LMAN1: variants seen among roughly 807,000 people sequenced by gnomAD.
The protein encoded by LMAN1 is protein ERGIC-53.
A neutral mutation model predicts 67.8 loss-of-function variants in LMAN1; 32 were observed. That is an observed-to-expected ratio of 0.47 (90% CI 0.36 to 0.63). The LOEUF is 0.63. Ranked by LOEUF, LMAN1 falls within the 30% of genes least tolerant of loss-of-function variation. The probability of loss-of-function intolerance (pLI) is 0.00; values close to 1 mark genes in which losing one functional copy is unlikely to be tolerated. For missense variants in LMAN1, 632 were observed against 628.2 expected (o/e 1.01, Z -0.06); for synonymous variants, 235 against 219.3 (o/e 1.07, Z -0.63).
At chr18:59,354,456 G>A in intron 4 of LMAN1, 63 bp downstream of exon 4, 3 of 890,816 alleles carry the variant, frequency 3.4e-6, no homozygotes, top group Admixed American at 1.8e-5. Flanking sequence ...TTGAAACAAT[G>A]TATTTCATAA....
intron 8 of LMAN1, among the ~76,000 whole-genome samples, chr18:59,340,925 T>G (rs993250644): frequency 6.6e-6 from 1 of 152,200 alleles, no homozygotes; most frequent in African/African-American, 2.4e-5. Flanking sequence ...AGATACAGAC[T>G]GGCAGAATGG....
chr18:59,337,310 G>A (rs1312022473), intron 10 of LMAN1, among the ~76,000 whole-genome samples: 1 of 152,006 alleles, frequency 6.6e-6, no homozygotes, highest in African/African-American at 2.4e-5. Flanking sequence ...GACAAGGGAA[G>A]ATGAACTACT....
rs1480889203 is a variant in LMAN1, at chr18:59,330,335, AC to A, written c.*757del. 4 of 152,506 alleles carry A rather than the reference AC, an allele frequency of 2.6e-5. No homozygotes were observed. Among genetic ancestry groups the A allele is most frequent in the Admixed American group, 1.3e-4 (2 of 15,272 alleles). 9.4% of individuals were successfully genotyped at this position (152,506 alleles called of 1,614,324 possible). On this transcript the variant is annotated 3_prime_UTR_variant, in exon 13 of 13. Transcript: ENST00000251047. The stretch of plus-strand genomic sequence containing the variant: ...AAATTATTTTCATAATATTGACCTG[AC>A]CCCATTGGAATGAAGACATTCAAGA...
intron 8 of LMAN1, among the ~76,000 whole-genome samples, chr18:59,343,068 A>C (rs954405771): frequency 1.3e-5 from 2 of 151,598 alleles, no homozygotes; most frequent in African/African-American, 4.8e-5. Context: ...AAAAAAAAAA[A>C]ACACCTAGAA....
At chr18:59,339,374 G>C (rs1210377817) in intron 8 of LMAN1, among the ~76,000 whole-genome samples, 1 of 152,132 alleles carries the variant, frequency 6.6e-6, no homozygotes, top group Non-Finnish European at 1.5e-5. Context: ...AATAAGGAGA[G>C]AGTTTGAGGC....
chr18:59,332,547 A>C (rs2070753774), intron 11 of LMAN1, among the ~76,000 whole-genome samples: 1 of 152,178 alleles, frequency 6.6e-6, no homozygotes, highest in Non-Finnish European at 1.5e-5. Context: ...CGTTTTAAAA[A>C]GCTTTTAAAA....
At chr18:59,335,867 C>T (rs1437200442) in intron 10 of LMAN1, among the ~76,000 whole-genome samples, 2 of 152,186 alleles carry the variant, frequency 1.3e-5, no homozygotes, top group African/African-American at 2.4e-5. Flanking sequence ...GTCTTTCTCA[C>T]AGGGATACGA....
In LMAN1 at chr18:59,345,974, C is replaced by T. The variant is rs1908393226; in HGVS notation, c.900G>A (p.Leu300=). ...QEEFEHFQQE[L]DKKKEEFQKG... ...TCTGGAATTCCTCTTTTTTTTTATC[C>T]AATTCTTGTTGAAAGTGCTCAAATT... The change falls in exon 8 of 13, where the codon TTG becomes TTA. Residue 300 remains leucine, a synonymous_variant. Transcript: ENST00000251047. 9.3e-6 allele frequency: 15 copies of T among 1,613,646 alleles called. No homozygotes were observed. In the East Asian group the frequency reaches 3.3e-4, roughly 36 times the overall value.
In LMAN1 at chr18:59,333,163, C is replaced by CT; in HGVS notation, c.1301dup (p.His435AlafsTer4). The CT allele has an allele frequency of 6.2e-7, 1 of 1,613,488 alleles. No individual in the cohort carries two copies. On this transcript the variant is annotated frameshift_variant, in exon 11 of 13. Coordinates refer to ENST00000251047, the MANE Select transcript of LMAN1 (RefSeq NM_005570.4). LOFTEE classifies it high-confidence loss of function. ...GGTGCTCTTTGATGTCAATGAAGTG[C>CT]TGTGTTGTCTCATAGACGCCTCCAG... is the stretch of plus-strand genomic sequence containing the variant.
chr18:59,340,839 T>C (rs1403177662), intron 8 of LMAN1, among the ~76,000 whole-genome samples: 1 of 152,080 alleles, frequency 6.6e-6, no homozygotes, highest in Non-Finnish European at 1.5e-5. Context: ...TTGAAAATAA[T>C]GAACAATATG....
At chr18:59,341,675 A>G (rs979860282) in intron 8 of LMAN1, among the ~76,000 whole-genome samples, 1 of 151,958 alleles carries the variant, frequency 6.6e-6, no homozygotes, top group East Asian at 1.9e-4. Flanking sequence ...CACCAAACCA[A>G]AACTGAAAAA....
intron 10 of LMAN1, 107 bp from the exon 11 acceptor site, chr18:59,333,351 T>TAAA: frequency 8.0e-6 from 5 of 628,646 alleles, no homozygotes; most frequent in African/African-American, 2.0e-5. Context: ...TTACATCATT[T>TAAA]AAAAAAAAAA....
At position 59,340,240 on chromosome 18, in the gene LMAN1, C is replaced by G. The variant is rs542881426; in HGVS notation, c.956-1287G>C. Among the ~76,000 whole-genome samples, 24 of 152,244 alleles carry G rather than the reference C, an allele frequency of 1.6e-4. No individual in the cohort carries two copies. The South Asian group carries it at 4.8e-3, about 30-fold the overall frequency. On this transcript the variant is annotated intron_variant, in intron 8 of 12. Coordinates refer to ENST00000251047, the MANE Select transcript of LMAN1 (RefSeq NM_005570.4). ...TAACTAAGAAAATAATTGATGAGAGCTTCCCAAGTCTAGCAAAAGAGTTAG... is the reference window on the plus strand; with the variant it reads ...TAACTAAGAAAATAATTGATGAGAGGTTCCCAAGTCTAGCAAAAGAGTTAG...
At chr18:59,332,777 T>C (rs942273780) in intron 11 of LMAN1, among the ~76,000 whole-genome samples, 1 of 151,898 alleles carries the variant, frequency 6.6e-6, no homozygotes, top group African/African-American at 2.4e-5. Context: ...GACGGAAAAA[T>C]AGGCCAAAGA....
chr18:59,342,694 C>G (rs1908313938), intron 8 of LMAN1, among the ~76,000 whole-genome samples: 1 of 152,086 alleles, frequency 6.6e-6, no homozygotes, highest in East Asian at 1.9e-4. Context: ...CAACCTCACA[C>G]TTAACAGGGA....
chr18:59,355,686 T>A (rs1192143130), intron 1 of LMAN1, 28 bp from the exon 2 acceptor site: 1 of 1,609,192 alleles, frequency 6.2e-7, no homozygotes. Context: ...GGAAAAAAGC[T>A]TTAAGTTATA....
intron 4 of LMAN1, 123 bp from the exon 5 acceptor site, chr18:59,353,424 AAAGACTACAC>A (rs1165540298): frequency 1.3e-6 from 1 of 752,530 alleles, no homozygotes; most frequent in African/African-American, 1.7e-5. Context: ...TATTTACTCA[AAAGACTACAC>A]GAGACTACAT....
At chr18:59,354,487 A>G (rs761011554) in intron 4 of LMAN1, 32 bp downstream of exon 4, 10 of 1,232,474 alleles carry the variant, frequency 8.1e-6, no homozygotes, top group Non-Finnish European at 1.2e-5. Context: ...AAGAAGCTGA[A>G]ATCAGGAGTA....
intron 11 of LMAN1, among the ~76,000 whole-genome samples, chr18:59,332,827 A>C (rs911268012): frequency 1.3e-5 from 2 of 152,214 alleles, no homozygotes; most frequent in African/African-American, 4.8e-5. Flanking sequence ...GAAGACATTA[A>C]CATGGAAATC....
Sources: gnomAD v4.1 joint callset for allele counts (sites outside exome capture counted in the v4.1 genomes callset) on GRCh38, gnomAD v4.1.1 for gene constraint, MANE v1.5 for transcripts, NCBI Gene and HGNC (gene_info 2026-07-23, HGNC 2026-07-21) for gene names.